VPS53: variants seen among roughly 807,000 people sequenced by gnomAD.
VPS53 encodes vacuolar protein sorting-associated protein 53 homolog.
VPS53 carries 70 observed loss-of-function variants against 107.0 expected under a neutral mutation model. The observed-to-expected ratio is 0.65, with a 90% CI of 0.54 to 0.80. The LOEUF (loss-of-function observed/expected upper bound fraction) is 0.80. Among genes scored for constraint, VPS53 ranks in the 30% least tolerant of loss-of-function variants. The probability of loss-of-function intolerance (pLI) is 0.00; values close to 1 mark genes in which losing one functional copy is unlikely to be tolerated. For synonymous variants in VPS53, 409 were observed against 393.3 expected, an observed-to-expected ratio of 1.04 and a Z score of -0.47; for missense variants, 917 against 1,049.4, an observed-to-expected ratio of 0.87 and a Z score of 1.74.
chr17:616,917 C>G lies in VPS53; in HGVS notation c.1116+6616G>C, dbSNP rs552821576. ...CAGGTTCACAGGCTACCCTGGTCCT[C>G]AGATGCAACAGGGCCATTTGTTCCT... On this transcript the variant is annotated intron_variant, in intron 11 of 21. Transcript: ENST00000437048. Among the ~76,000 whole-genome samples the G allele has an allele frequency of 3.3e-4, 51 of 152,326 alleles. No homozygotes were observed. In the South Asian group the frequency reaches 9.3e-3, roughly 28 times the overall value.
At chr17:619,236 C>T (rs1234667400) in intron 11 of VPS53, among the ~76,000 whole-genome samples, 5 of 149,338 alleles carry the variant, frequency 3.3e-5, no homozygotes, top group Non-Finnish European at 7.4e-5. Flanking sequence ...ACGACGCCTG[C>T]TAATATTTCC....
chr17:509,780 CAT>C lies in VPS53; in HGVS notation c.*9346_*9347del, dbSNP rs935738304. 8 of 175,792 alleles carry C rather than the reference CAT, an allele frequency of 4.6e-5. No individual in the cohort carries two copies. The highest frequency in any genetic ancestry group is 2.0e-4 in the African/African-American group (8 of 40,748). 10.9% of individuals were successfully genotyped at this position (175,792 alleles called of 1,614,324 possible). On this transcript the variant is annotated 3_prime_UTR_variant, in exon 22 of 22. Transcript: ENST00000437048. ...TCCTGGCTCACCCCCTTACTAGTCA[CAT>C]ATCAAATCCTGGCTCGCCCCTCACT...
At chr17:553,726 A>AT (rs1349103262) in intron 15 of VPS53, among the ~76,000 whole-genome samples, 1 of 151,794 alleles carries the variant, frequency 6.6e-6, no homozygotes, top group Non-Finnish European at 1.5e-5. Flanking sequence ...GTGCGCTACC[A>AT]CACCCGGCTA....
At chr17:598,485 C>T (rs1332480584) in intron 12 of VPS53, among the ~76,000 whole-genome samples, 82 of 151,184 alleles carry the variant, frequency 5.4e-4, no homozygotes, top group African/African-American at 1.9e-3. Context: ...GGAGCGTCTC[C>T]GCCCGGCCGC....
chr17:546,494 T>C (rs559093975), intron 17 of VPS53, among the ~76,000 whole-genome samples: 1 of 152,274 alleles, frequency 6.6e-6, no homozygotes, highest in Non-Finnish European at 1.5e-5. Flanking sequence ...AGTATCCAGA[T>C]ATAAAAAGAA....
chr17:575,794 G>A (rs1239883862), intron 13 of VPS53, among the ~76,000 whole-genome samples: 2 of 145,988 alleles, frequency 1.4e-5, no homozygotes, highest in South Asian at 4.4e-4. Flanking sequence ...AACCTAATGC[G>A]GTCCCAGAAG....
chr17:676,942 T>C (rs1172230626), intron 4 of VPS53, among the ~76,000 whole-genome samples: 1 of 152,036 alleles, frequency 6.6e-6, no homozygotes, highest in East Asian at 1.9e-4. Context: ...CTATATTAAT[T>C]AAATGAAGAC....
chr17:650,871 A>G (rs752137531), intron 7 of VPS53, among the ~76,000 whole-genome samples: 4 of 152,234 alleles, frequency 2.6e-5, no homozygotes, highest in Non-Finnish European at 2.9e-5. Flanking sequence ...TCAATTCCAG[A>G]GAATGAAGCA....
intron 11 of VPS53, among the ~76,000 whole-genome samples, chr17:607,180 C>A (rs1202937644): frequency 6.6e-6 from 1 of 152,166 alleles, no homozygotes; most frequent in Admixed American, 6.5e-5. Flanking sequence ...AAGCAGCTCA[C>A]AGAAAACGTG....
intron 11 of VPS53, among the ~76,000 whole-genome samples, chr17:613,021 T>C (rs1179276185): frequency 1.1e-3 from 166 of 146,344 alleles, no homozygotes; most frequent in African/African-American, 3.5e-3. Flanking sequence ...TGTACAGATA[T>C]TCACAGCAGT....
intron 17 of VPS53, among the ~76,000 whole-genome samples, chr17:543,198 A>C (rs1433344626): frequency 6.6e-6 from 1 of 152,110 alleles, no homozygotes; most frequent in Non-Finnish European, 1.5e-5. Flanking sequence ...TCAACGTAGA[A>C]GTGAACTTGA....
At chr17:546,104 A>C (rs1028844235) in intron 17 of VPS53, among the ~76,000 whole-genome samples, 3 of 152,214 alleles carry the variant, frequency 2.0e-5, no homozygotes, top group African/African-American at 7.2e-5. Context: ...CCAATGTGAA[A>C]AGAATAGTCG....
intron 11 of VPS53, among the ~76,000 whole-genome samples, chr17:610,753 T>TA (rs34089454): frequency 0.074 from 9,526 of 128,800 alleles, 579 homozygotes; most frequent in African/African-American, 0.17. Context: ...CCGCCTCTAC[T>TA]AAAAAAAAAA....
intron 4 of VPS53, among the ~76,000 whole-genome samples, chr17:691,955 A>T (rs1659788271): frequency 6.6e-6 from 1 of 152,174 alleles, no homozygotes; most frequent in African/African-American, 2.4e-5. Flanking sequence ...TCAGGCATCC[A>T]CTGGGGGTCT....
chr17:701,565 A>G (rs1236127800), intron 2 of VPS53, among the ~76,000 whole-genome samples: 1 of 151,450 alleles, frequency 6.6e-6, no homozygotes, highest in Non-Finnish European at 1.5e-5. Flanking sequence ...TTTAGTAGAG[A>G]CGGGGTTTCA....
chr17:706,900 G>A (rs1435918097), intron 2 of VPS53, among the ~76,000 whole-genome samples: 1 of 152,108 alleles, frequency 6.6e-6, no homozygotes, highest in African/African-American at 2.4e-5. Flanking sequence ...TCTCCTGCCT[G>A]TAGTCTCTCC....
chr17:548,288 C>T (rs549164765), intron 17 of VPS53, among the ~76,000 whole-genome samples: 1 of 152,244 alleles, frequency 6.6e-6, no homozygotes, highest in African/African-American at 2.4e-5. Context: ...ACCAAGTTGC[C>T]AGGCTCAATC....
chr17:672,214 AGCTTT>A (rs1971992641), intron 4 of VPS53, among the ~76,000 whole-genome samples: 1 of 68,376 alleles, frequency 1.5e-5, no homozygotes, highest in Admixed American at 1.5e-4. Flanking sequence ...TCTCTCTCTG[AGCTTT>A]ACTCCCGTCT....
chr17:609,738 T>G (rs1968757180), intron 11 of VPS53, among the ~76,000 whole-genome samples: 1 of 151,942 alleles, frequency 6.6e-6, no homozygotes, highest in Admixed American at 6.6e-5. Context: ...TCCACTAGTG[T>G]CGTAAGAAAA....
Sources: allele counts gnomAD v4.1 joint callset (sites outside exome capture counted in the v4.1 genomes callset), GRCh38; gene constraint gnomAD v4.1.1; transcripts MANE v1.5; gene names NCBI Gene and HGNC (gene_info 2026-07-23, HGNC 2026-07-21).